NAALADL2: variants seen among roughly 807,000 people sequenced by gnomAD.
The protein encoded by NAALADL2 is inactive N-acetylated-alpha-linked acidic dipeptidase-like protein 2.
In NAALADL2, 76 loss-of-function variants were observed where a neutral mutation model predicts 87.2. That is an observed-to-expected ratio of 0.87 (90% CI 0.72 to 1.05). The LOEUF is 1.05. Ranked by LOEUF, NAALADL2 falls within the 50% of genes least tolerant of loss-of-function variation. The pLI is 0.00. For synonymous variants in NAALADL2, 354 were observed against 331.0 expected (o/e 1.07, Z -0.75); for missense variants, 1,089 against 945.8 (o/e 1.15, Z -1.99).
chr3:175,558,160 A>T (rs542500861), intron 9 of NAALADL2, among the ~76,000 whole-genome samples: 1 of 141,722 alleles, frequency 7.1e-6, no homozygotes, highest in South Asian at 2.2e-4. Flanking sequence ...ACGCCACTGC[A>T]CTCCAACCTG....
chr3:175,325,865 G>A (rs1002114641), intron 5 of NAALADL2, among the ~76,000 whole-genome samples: 15 of 152,244 alleles, frequency 9.9e-5, no homozygotes, highest in Admixed American at 7.8e-4. Context: ...CCATCACCTT[G>A]ACGAATAGTG....
intron 3 of NAALADL2, among the ~76,000 whole-genome samples, chr3:174,754,190 G>C (rs1409559503): frequency 1.3e-5 from 2 of 152,106 alleles, no homozygotes; most frequent in Non-Finnish European, 2.9e-5. Flanking sequence ...CCTTGGTAGG[G>C]ATTCTAATGA....
intron 11 of NAALADL2, among the ~76,000 whole-genome samples, chr3:175,671,777 A>G (rs1043562224): frequency 1.3e-5 from 2 of 152,078 alleles, no homozygotes; most frequent in African/African-American, 4.8e-5. Context: ...CCAAAATTTT[A>G]ACTACTTTAA....
At chr3:175,531,727 G>C (rs1162807935) in intron 9 of NAALADL2, among the ~76,000 whole-genome samples, 1 of 152,212 alleles carries the variant, frequency 6.6e-6, no homozygotes, top group African/African-American at 2.4e-5. Context: ...GGTACCAGGA[G>C]TTGTATTAGT....
intron 5 of NAALADL2, among the ~76,000 whole-genome samples, chr3:175,416,989 A>G (rs973226822): frequency 1.3e-5 from 2 of 151,626 alleles, no homozygotes; most frequent in African/African-American, 4.8e-5. Flanking sequence ...CAGTGTTAAG[A>G]TGGACTTTAT....
intron 1 of NAALADL2, among the ~76,000 whole-genome samples, chr3:175,058,572 A>G (rs1379902653): frequency 6.6e-6 from 1 of 152,122 alleles, no homozygotes; most frequent in Admixed American, 6.6e-5. Flanking sequence ...AGGAATGATA[A>G]GTCGGGGGGT....
At chr3:175,233,834 A>G (rs1745380492) in intron 2 of NAALADL2, 97 bp from the exon 3 acceptor site, 1 of 684,540 alleles carries the variant, frequency 1.5e-6, no homozygotes, top group African/African-American at 1.8e-5. Context: ...AATATTCCAC[A>G]ACATCTATTA....
At chr3:174,857,387 T>C (rs1423183620), upstream of NAALADL2, among the ~76,000 whole-genome samples, 1 of 152,182 alleles carries the variant, frequency 6.6e-6, no homozygotes, top group East Asian at 1.9e-4. Context: ...TATATTTGTA[T>C]GGATTTTTTG....
At chr3:175,131,032 C>T (rs1727754175) in intron 2 of NAALADL2, among the ~76,000 whole-genome samples, 2 of 152,064 alleles carry the variant, frequency 1.3e-5, no homozygotes, top group Admixed American at 1.3e-4. Context: ...TCTTCTAATT[C>T]ATGTACATGC....
intron 2 of NAALADL2, among the ~76,000 whole-genome samples, chr3:174,577,656 C>T (rs1008700729): frequency 6.6e-6 from 1 of 152,072 alleles, no homozygotes; most frequent in Non-Finnish European, 1.5e-5. Context: ...TACTAGAATG[C>T]AAATCAACCT....
At chr3:175,200,294 T>C (rs1015336501) in intron 2 of NAALADL2, among the ~76,000 whole-genome samples, 2 of 152,252 alleles carry the variant, frequency 1.3e-5, no homozygotes, top group African/African-American at 2.4e-5. Flanking sequence ...TTTAGAACCA[T>C]GATGATGGAC....
rs545701503 is a variant in NAALADL2 at position 174,735,283 on chromosome 3, C to T, written c.-114-2358C>T. Among the ~76,000 whole-genome samples the T allele has an allele frequency of 2.0e-5, 3 of 152,238 alleles. No homozygotes were observed. In the South Asian group the frequency reaches 6.2e-4, roughly 32 times the overall value. ...AATTATATCAGTCATTTATTGAGCA[C>T]CTAATACATGCTGGGCAATGTGTGG... On this transcript the variant is annotated intron_variant, in intron 2 of 3. Coordinates refer to the NAALADL2 transcript ENST00000434257.
intron 2 of NAALADL2, among the ~76,000 whole-genome samples, chr3:175,181,195 C>T (rs1736410469): frequency 6.6e-6 from 1 of 152,032 alleles, no homozygotes; most frequent in African/African-American, 2.4e-5. Flanking sequence ...CTAGTTTTCC[C>T]ACACAGTGTA....
chr3:175,218,476 T>G (rs1742872946), intron 2 of NAALADL2, among the ~76,000 whole-genome samples: 1 of 148,676 alleles, frequency 6.7e-6, no homozygotes, highest in Non-Finnish European at 1.5e-5. Flanking sequence ...AAACTCTTTT[T>G]TTATCCAAAT....
At chr3:174,767,097 GC>G (rs1361039615) in intron 3 of NAALADL2, among the ~76,000 whole-genome samples, 1 of 152,182 alleles carries the variant, frequency 6.6e-6, no homozygotes, top group Non-Finnish European at 1.5e-5. Context: ...GTCTCATATG[GC>G]CTCCTGAGAG....
intron 1 of NAALADL2, among the ~76,000 whole-genome samples, chr3:174,976,970 G>A (rs1744438369): frequency 6.6e-6 from 1 of 152,152 alleles, no homozygotes; most frequent in African/African-American, 2.4e-5. Flanking sequence ...GAATCTTGGG[G>A]CAGCTAGCCA....
intron 1 of NAALADL2, among the ~76,000 whole-genome samples, chr3:174,871,320 A>C (rs553183675): frequency 6.6e-6 from 1 of 152,342 alleles, no homozygotes; most frequent in African/African-American, 2.4e-5. Flanking sequence ...CTTAGTCAAT[A>C]ATTCTAGGCT....
At chr3:174,582,814 C>G (rs1484843285) in intron 2 of NAALADL2, among the ~76,000 whole-genome samples, 1 of 152,168 alleles carries the variant, frequency 6.6e-6, no homozygotes, top group Non-Finnish European at 1.5e-5. Context: ...GAACTCCTGA[C>G]CTCAAGTGAT....
intron 11 of NAALADL2, among the ~76,000 whole-genome samples, chr3:175,692,071 T>C (rs921124892): frequency 6.6e-5 from 10 of 152,110 alleles, no homozygotes; most frequent in African/African-American, 2.2e-4. Context: ...ATACCTCTTA[T>C]ATGAATCTGA....
Sources: allele counts gnomAD v4.1 joint callset (sites outside exome capture counted in the v4.1 genomes callset), GRCh38; gene constraint gnomAD v4.1.1; transcripts MANE v1.5; gene names NCBI Gene and HGNC (gene_info 2026-07-23, HGNC 2026-07-21).